ZNF704: variants seen among roughly 807,000 people sequenced by gnomAD.
ZNF704 encodes the protein glucocorticoid induced gene 1.
Under a neutral mutation model 44.7 loss-of-function variants are expected in ZNF704, and 10 were observed. That is an observed-to-expected ratio of 0.22 (90% confidence interval 0.14 to 0.38). The LOEUF (loss-of-function observed/expected upper bound fraction) is 0.38, where lower values mean the gene tolerates loss of function less well. Ranked by LOEUF, ZNF704 falls within the 10% of genes least tolerant of loss-of-function variation. The pLI is 1.00. For synonymous variants in ZNF704, 211 were observed against 207.6 expected (o/e 1.02, Z -0.14); for missense variants, 390 against 545.5 (o/e 0.71, Z 2.84).
chr8:80,725,897 A>G (rs1585982855), intron 2 of ZNF704, among the ~76,000 whole-genome samples: 1 of 152,210 alleles, frequency 6.6e-6, no homozygotes, highest in Non-Finnish European at 1.5e-5. Flanking sequence ...ATTTCTTTTA[A>G]AAAGGAAATA....
intron 2 of ZNF704, among the ~76,000 whole-genome samples, chr8:80,759,649 A>C (rs1039525992): frequency 6.6e-5 from 10 of 152,222 alleles, no homozygotes; most frequent in African/African-American, 2.2e-4. Context: ...TAAGGCCCTC[A>C]GACCAACAAC....
At chr8:80,754,624 CA>C (rs1037194553) in intron 2 of ZNF704, among the ~76,000 whole-genome samples, 1 of 152,124 alleles carries the variant, frequency 6.6e-6, no homozygotes, top group African/African-American at 2.4e-5. Context: ...TGCTGCCAAA[CA>C]AAAAACCATT....
At chr8:80,784,146 T>C (rs559829773) in intron 2 of ZNF704, among the ~76,000 whole-genome samples, 5 of 152,324 alleles carry the variant, frequency 3.3e-5, no homozygotes, top group African/African-American at 9.6e-5. Context: ...TTTCTGGATG[T>C]GCCACAGTTT....
intron 2 of ZNF704, among the ~76,000 whole-genome samples, chr8:80,804,131 T>C (rs1350976477): frequency 1.3e-5 from 2 of 152,306 alleles, no homozygotes; most frequent in East Asian, 1.9e-4. Flanking sequence ...CATAATGAGA[T>C]ACCATCTTAC....
intron 2 of ZNF704, among the ~76,000 whole-genome samples, chr8:80,705,645 T>A (rs1818884788): frequency 6.6e-6 from 1 of 151,988 alleles, no homozygotes; most frequent in Non-Finnish European, 1.5e-5. Context: ...GGTCAGTGCT[T>A]CTGTGTGGAC....
chr8:80,699,743 A>C (rs1818780198), intron 2 of ZNF704, among the ~76,000 whole-genome samples: 1 of 152,094 alleles, frequency 6.6e-6, no homozygotes, highest in South Asian at 2.1e-4. Context: ...CAGTTGCTTT[A>C]ATTTCCATTA....
chr8:80,740,594 T>G (rs1806740413), intron 2 of ZNF704, among the ~76,000 whole-genome samples: 1 of 152,160 alleles, frequency 6.6e-6, no homozygotes, highest in Non-Finnish European at 1.5e-5. Flanking sequence ...AATGAGGCTC[T>G]TATCCCTCTA....
chr8:80,813,601 G>T (rs1216276856), intron 2 of ZNF704, among the ~76,000 whole-genome samples: 2 of 152,140 alleles, frequency 1.3e-5, no homozygotes, highest in Admixed American at 1.3e-4. Context: ...TGAGAGGCCG[G>T]GCGCGGTGGC....
rs530572182 is a variant in ZNF704, at chr8:80,701,812, T to C, written c.222-8705A>G. On this transcript the variant is annotated intron_variant, in intron 2 of 8. Transcript: ENST00000327835. Reference sequence around the variant, plus strand: ...TTGAAATTAGCAGCAAGGAAGCAGGTAGAGACTCTAGCAGGAGTGGAAGTG... The same window carrying C: ...TTGAAATTAGCAGCAAGGAAGCAGGCAGAGACTCTAGCAGGAGTGGAAGTG... Among the ~76,000 whole-genome samples the C allele has an allele frequency of 6.2e-4, 94 of 152,182 alleles. 1 individual carries two copies. In the South Asian group the frequency reaches 0.019, roughly 31 times the overall value.
chr8:80,864,453 T>C (rs1040504314), intron 1 of ZNF704, among the ~76,000 whole-genome samples: 1 of 152,248 alleles, frequency 6.6e-6, no homozygotes, highest in Non-Finnish European at 1.5e-5. Flanking sequence ...ATATAGTCAG[T>C]AACTTTTACA....
intron 7 of ZNF704, among the ~76,000 whole-genome samples, chr8:80,657,182 T>C (rs564512773): frequency 1.3e-5 from 2 of 152,240 alleles, no homozygotes; most frequent in Non-Finnish European, 2.9e-5. Flanking sequence ...TTGTTTTTTT[T>C]AGAGCATGGC....
At chr8:80,868,224 A>G (rs1171602900) in intron 1 of ZNF704, among the ~76,000 whole-genome samples, 2 of 151,982 alleles carry the variant, frequency 1.3e-5, no homozygotes, top group Non-Finnish European at 2.9e-5. Flanking sequence ...TAGGCAGGGG[A>G]GTAGGGAGGG....
intron 6 of ZNF704, among the ~76,000 whole-genome samples, chr8:80,660,671 G>A (rs981855742): frequency 1.3e-5 from 2 of 152,096 alleles, no homozygotes; most frequent in African/African-American, 2.4e-5. Context: ...CCAAGGCGAT[G>A]AGAACATACA....
chr8:80,794,362 A>T (rs938312285), intron 2 of ZNF704, among the ~76,000 whole-genome samples: 1 of 152,192 alleles, frequency 6.6e-6, no homozygotes, highest in Non-Finnish European at 1.5e-5. Context: ...TGATTTTAAT[A>T]TCAATGATGT....
intron 7 of ZNF704, among the ~76,000 whole-genome samples, chr8:80,658,161 T>A (rs1818045398): frequency 6.6e-6 from 1 of 152,188 alleles, no homozygotes; most frequent in Non-Finnish European, 1.5e-5. Context: ...GAAAGAGGTT[T>A]GAACTGGGCT....
chr8:80,862,711 G>A (rs993004020), intron 1 of ZNF704, among the ~76,000 whole-genome samples: 17 of 136,920 alleles, frequency 1.2e-4, no homozygotes, highest in African/African-American at 4.5e-4. Flanking sequence ...GTTGCAGTGA[G>A]CCGAGATCAC....
chr8:80,653,789 T>C (rs530633399), intron 7 of ZNF704, among the ~76,000 whole-genome samples: 1 of 152,274 alleles, frequency 6.6e-6, no homozygotes, highest in East Asian at 1.9e-4. Context: ...AGATTCAATG[T>C]CATCCCCATC....
At chr8:80,881,812 C>T in the ZNF704 span, among the ~76,000 whole-genome samples, 6 of 152,082 alleles carry the variant, frequency 3.9e-5, no homozygotes, top group African/African-American at 1.2e-4. Flanking sequence ...CCTGTAATCC[C>T]AGCTATTCGG....
At chr8:80,751,769 C>G (rs1806948131) in intron 2 of ZNF704, among the ~76,000 whole-genome samples, 1 of 152,146 alleles carries the variant, frequency 6.6e-6, no homozygotes, top group South Asian at 2.1e-4. Context: ...GTTTTTGAGA[C>G]AGAGTTTTGT....
Sources: allele counts gnomAD v4.1 joint callset (sites outside exome capture counted in the v4.1 genomes callset), GRCh38; gene constraint gnomAD v4.1.1; transcripts MANE v1.5; gene names NCBI Gene and HGNC (gene_info 2026-07-23, HGNC 2026-07-21).